Variants in BEND7 observed in about 807,000 individuals in gnomAD.
BEND7 encodes the protein BEN domain containing 7, also known as BEN domain-containing protein 7.
A neutral mutation model predicts 50.9 loss-of-function variants in BEND7; 28 were observed. The ratio of observed to expected loss-of-function variants is 0.55; its 90% CI spans 0.41 to 0.75. The LOEUF is 0.75. Among genes scored for constraint, BEND7 ranks in the 30% least tolerant of loss-of-function variants. BEND7 has a pLI of 0.00. For missense variants in BEND7, 477 were observed against 491.3 expected (o/e 0.97, Z 0.28); for synonymous variants, 170 against 183.9 (o/e 0.92, Z 0.61).
intron 6 of BEND7, chr10:13,459,365 G>A (rs1839743910): frequency 2.0e-5 from 3 of 152,150 alleles, no homozygotes; most frequent in East Asian, 3.9e-4. Flanking sequence ...TGATGACTGT[G>A]GCTCAAATTT....
Position 13,447,670 on chromosome 10 carries a change from A to G in BEND7, c.1184-354T>C, listed in dbSNP as rs1336122789. 4.0e-5 allele frequency among the ~76,000 whole-genome samples: 6 copies of G among 151,072 alleles called. No individual in the cohort carries two copies. In the East Asian group the frequency reaches 1.2e-3, roughly 30 times the overall value. On this transcript the variant is annotated intron_variant, in intron 7 of 8. Coordinates refer to ENST00000466271, the MANE Select transcript of BEND7 (RefSeq NM_001369863.1). ...GCCATTCTCCTGCCTCAGCCTCCCGAGTAGCTGGGACTACAGGCGCCCGCC... is the reference window on the plus strand; with the variant it reads ...GCCATTCTCCTGCCTCAGCCTCCCGGGTAGCTGGGACTACAGGCGCCCGCC...
In BEND7 at chr10:13,528,630, G is replaced by A; in HGVS notation, c.-97C>T. The A allele has an allele frequency of 3.3e-6, 2 of 607,426 alleles. No individual in the cohort carries two copies. The highest frequency in any genetic ancestry group is 1.4e-4 in the South Asian group (2 of 14,582). 37.6% of individuals were successfully genotyped at this position (607,426 alleles called of 1,614,324 possible). Reference sequence around the variant, plus strand: ...AGCGGCGGCGCGGGCTCGTGTCACCGCGGCGGAGCCGCCGGGACCAAGGTC... The same window carrying A: ...AGCGGCGGCGCGGGCTCGTGTCACCACGGCGGAGCCGCCGGGACCAAGGTC... On this transcript the variant is annotated 5_prime_UTR_variant, in exon 1 of 9. Transcript: ENST00000466271.
At chr10:13,440,363 G>C (rs1564481123), downstream of BEND7, among the ~76,000 whole-genome samples, 1 of 152,232 alleles carries the variant, frequency 6.6e-6, no homozygotes, top group African/African-American at 2.4e-5. Flanking sequence ...AGAGCAGCGC[G>C]GACACCTGCA....
At chr10:13,503,157 C>T (rs1276533743) in intron 2 of BEND7, among the ~76,000 whole-genome samples, 3 of 152,180 alleles carry the variant, frequency 2.0e-5, no homozygotes, top group African/African-American at 7.2e-5. Flanking sequence ...TGACAACCAG[C>T]ATCCTAAGCT....
downstream of BEND7, among the ~76,000 whole-genome samples, chr10:13,440,474 C>T (rs1588582988): frequency 1.3e-5 from 2 of 152,356 alleles, no homozygotes; most frequent in Admixed American, 6.5e-5. Flanking sequence ...CCTGCCCCTA[C>T]CCGCCCGCCT....
chr10:13,528,542 G>T lies in BEND7; in HGVS notation c.-9C>A. ...CTCTCGGAGAACTCCATGGTGCGGG[G>T]AAGGCGGCGGCGGGGGCTGAGGAGG... is the stretch of plus-strand genomic sequence containing the variant. On this transcript the variant is annotated 5_prime_UTR_variant, in exon 1 of 9. Coordinates refer to ENST00000466271, the MANE Select transcript of BEND7 (RefSeq NM_001369863.1). The T allele has an allele frequency of 1.9e-6, 2 of 1,025,664 alleles. No individual in the cohort carries two copies. Among genetic ancestry groups the T allele is most frequent in the Non-Finnish European group, 2.3e-6 (2 of 857,108 alleles). 63.5% of individuals were successfully genotyped at this position (1,025,664 alleles called of 1,614,324 possible).
Position 13,510,192 on chromosome 10 carries a change from CAAG to C in BEND7, c.146-10115_146-10113del, listed in dbSNP as rs540080763. ...GCAAAGGACATGAACATGTAATTCA[CAAG>C]AAGAAAAAAATGATCAATAAATATT... On this transcript the variant is annotated intron_variant, in intron 2 of 8. Coordinates refer to ENST00000466271, the MANE Select transcript of BEND7 (RefSeq NM_001369863.1). Among the ~76,000 whole-genome samples the C allele has an allele frequency of 6.4e-4, 97 of 152,136 alleles. 1 individual carries two copies. The highest frequency in any genetic ancestry group is 3.4e-3 in the Middle Eastern group (1 of 294).
chr10:13,528,534 G>A lies in BEND7; in HGVS notation c.-1C>T. ...TTCTTTTCCTCTCGGAGAACTCCAT[G>A]GTGCGGGGAAGGCGGCGGCGGGGGC... is the stretch of plus-strand genomic sequence containing the variant. On this transcript the variant is annotated 5_prime_UTR_variant, in exon 1 of 9. Transcript: ENST00000466271. 9.7e-7 allele frequency: 1 copy of A among 1,031,568 alleles called. No homozygotes were observed. The highest frequency in any genetic ancestry group is 1.2e-6 in the Non-Finnish European group (1 of 859,862). The allele number at this position is 1,031,568 out of a possible 1,614,324, so 63.9% of individuals were successfully genotyped here.
chr10:13,501,728 T>C (rs2077482071), intron 2 of BEND7, among the ~76,000 whole-genome samples: 1 of 151,908 alleles, frequency 6.6e-6, no homozygotes, highest in South Asian at 2.1e-4. Context: ...GTGCCTGTGG[T>C]CCCAGCTACT....
chr10:13,519,425 G>T (rs964830660), intron 2 of BEND7, among the ~76,000 whole-genome samples: 2 of 151,778 alleles, frequency 1.3e-5, no homozygotes, highest in East Asian at 1.9e-4. Flanking sequence ...GCAGTGAGCC[G>T]AGATGGCGCC....
intron 6 of BEND7, among the ~76,000 whole-genome samples, chr10:13,478,386 T>C (rs2131666419): frequency 6.6e-6 from 1 of 152,334 alleles, no homozygotes; most frequent in African/African-American, 2.4e-5. Context: ...CAAAGCAGCA[T>C]TTCTTAAGGT....
At chr10:13,465,870 A>C (rs918075415) in intron 6 of BEND7, among the ~76,000 whole-genome samples, 4 of 94,524 alleles carry the variant, frequency 4.2e-5, no homozygotes, top group Non-Finnish European at 6.0e-5. Context: ...GGCCACAGCT[A>C]TCTCTCTCTC....
chr10:13,481,612 C>T lies in BEND7; in HGVS notation c.838-488G>A, dbSNP rs138996099. ...CAGATACGGGGCTAACCCAGAAGGC[C>T]CCTGGCTCCTTCTACTATGCCAGTG... On this transcript the variant is annotated intron_variant, in intron 5 of 8. Transcript: ENST00000466271. 3.1e-3 allele frequency among the ~76,000 whole-genome samples: 478 copies of T among 152,338 alleles called. 3 individuals carry two copies. The highest frequency in any genetic ancestry group is 0.011 in the African/African-American group (462 of 41,582).
rs147003029 is a variant in BEND7 at position 13,499,912 on chromosome 10, G to A, written c.314C>T (p.Ala105Val). The A allele has an allele frequency of 3.7e-6, 6 of 1,614,062 alleles. No homozygotes were observed. Among genetic ancestry groups the A allele is most frequent in the Non-Finnish European group, 5.1e-6 (6 of 1,180,042 alleles). Residue 105 changes from alanine to valine, a missense_variant, in exon 3 of 9, where the codon GCC (alanine) becomes GTC (valine). Around this residue, in one of 3 missense-constraint regions of BEND7, gnomAD observed 396 missense variants for 384.2 expected, o/e 1.03. Coordinates refer to ENST00000466271, the MANE Select transcript of BEND7 (RefSeq NM_001369863.1). Reference sequence around the variant, plus strand: ...TGAAGACGGGTGGAGGCTTTGCGGGGCCTCAGCAGAGGAGTTCAAACGTGG... The same window carrying A: ...TGAAGACGGGTGGAGGCTTTGCGGGACCTCAGCAGAGGAGTTCAAACGTGG... ...WPPRLNSSAE[A>V]PQSLHPSSRG... is the part of the protein sequence containing the mutation.
chr10:13,489,985 G>T (rs1393470361), intron 5 of BEND7, among the ~76,000 whole-genome samples: 2 of 152,210 alleles, frequency 1.3e-5, no homozygotes, highest in Non-Finnish European at 2.9e-5. Context: ...CTCATTTGAT[G>T]CTCACAACAC....
intron 8 of BEND7, chr10:13,446,563 C>T (rs1158339187): frequency 6.6e-6 from 1 of 152,236 alleles, no homozygotes; most frequent in African/African-American, 2.4e-5. Flanking sequence ...GGAGGGGATA[C>T]ATTGTTTTCC....
intron 6 of BEND7, among the ~76,000 whole-genome samples, chr10:13,462,732 A>G (rs1482507100): frequency 6.6e-6 from 1 of 152,216 alleles, no homozygotes; most frequent in East Asian, 1.9e-4. Context: ...AATTCAAAGA[A>G]TGAAGGAGAG....
rs180984511 is a variant in BEND7 at position 13,510,667 on chromosome 10, C to T, written c.146-10587G>A. ...GAAAGGAAATCATGATCATCTCATTCGCTACAGGATAACTAGGGGCTAAAT... is the reference window on the plus strand; with the variant it reads ...GAAAGGAAATCATGATCATCTCATTTGCTACAGGATAACTAGGGGCTAAAT... On this transcript the variant is annotated intron_variant, in intron 2 of 8. Transcript: ENST00000466271. 3.9e-5 allele frequency among the ~76,000 whole-genome samples: 6 copies of T among 152,264 alleles called. No homozygotes were observed. In the East Asian group the frequency reaches 1.2e-3, roughly 29 times the overall value.
At chr10:13,439,108 C>T, downstream of BEND7, 1 of 1,424,898 alleles carries the variant, frequency 7.0e-7, no homozygotes. Context: ...AGCCTGACAT[C>T]ACAAGGCTCA....
Sources: allele counts gnomAD v4.1 joint callset (sites outside exome capture counted in the v4.1 genomes callset), GRCh38; gene constraint gnomAD v4.1.1; regional missense constraint gnomAD v4.1.1; transcripts MANE v1.5; gene names NCBI Gene and HGNC (gene_info 2026-07-23, HGNC 2026-07-21).